The following CD96 variants were observed in gnomAD, a reference collection of about 807,000 sequenced individuals.
The protein encoded by CD96 is CD96 molecule.
A neutral mutation model predicts 71.3 loss-of-function variants in CD96; 70 were observed. The observed-to-expected ratio is 0.98, with a 90% CI of 0.81 to 1.20. The LOEUF is 1.20. CD96 is among the 50% of genes most tolerant of loss of function. CD96 has a pLI of 0.00. For synonymous variants in CD96, 248 were observed against 233.0 expected (o/e 1.06, Z -0.59); for missense variants, 742 against 677.5 (o/e 1.10, Z -1.06).
chr3:111,542,458 G>A (rs1482894742), intron 1 of CD96, 149 bp downstream of exon 1: 3 of 707,376 alleles, frequency 4.2e-6, no homozygotes, highest in East Asian at 2.7e-5. Flanking sequence ...TATTTAAGCG[G>A]CAGGTATAAG....
intron 5 of CD96, among the ~76,000 whole-genome samples, chr3:111,588,562 G>A (rs543406989): frequency 6.6e-5 from 10 of 152,178 alleles, no homozygotes; most frequent in African/African-American, 2.4e-4. Context: ...TTTCAGCAGT[G>A]CCCACTCTTC....
chr3:111,617,232 G>C (rs765588518), intron 8 of CD96, among the ~76,000 whole-genome samples: 6 of 152,222 alleles, frequency 3.9e-5, no homozygotes, highest in Non-Finnish European at 8.8e-5. Flanking sequence ...AGGCTGACTA[G>C]GTTCCTGGAT....
intron 1 of CD96, among the ~76,000 whole-genome samples, chr3:111,544,808 T>C (rs539888902): frequency 6.6e-6 from 1 of 152,188 alleles, no homozygotes; most frequent in Non-Finnish European, 1.5e-5. Context: ...GACCAACACA[T>C]AGATAAATAT....
chr3:111,581,372 C>G (rs149770280), intron 4 of CD96, among the ~76,000 whole-genome samples: 8 of 152,282 alleles, frequency 5.3e-5, no homozygotes, highest in Non-Finnish European at 7.3e-5. Context: ...CTTTACATCC[C>G]TTGGTGATTC....
At position 111,546,846 on chromosome 3, in the gene CD96, T is replaced by C. The variant is rs1412745646; in HGVS notation, c.418+1444T>C. Among the ~76,000 whole-genome samples, 4 of 151,620 alleles carry C rather than the reference T, an allele frequency of 2.6e-5. No individual in the cohort carries two copies. In the East Asian group the frequency reaches 7.8e-4, roughly 29 times the overall value. ...TATAGGCCAAGGTCCCATCAACTACTATCTTATAATGCCCAATTCCCTTGC... is the reference window on the plus strand; with the variant it reads ...TATAGGCCAAGGTCCCATCAACTACCATCTTATAATGCCCAATTCCCTTGC... On this transcript the variant is annotated intron_variant, in intron 2 of 13. Transcript: ENST00000352690.
Position 111,647,669 on chromosome 3 carries a change from G to T in CD96, c.1601+3G>T, listed in dbSNP as rs2107787940. 1 of 1,591,366 alleles carries T rather than the reference G, an allele frequency of 6.3e-7. No individual in the cohort carries two copies. The highest frequency in any genetic ancestry group is 8.6e-7 in the Non-Finnish European group (1 of 1,159,602). Reference sequence around the variant, plus strand: ...TGGTGTCAGTACCAAAAAGAAATGTGAGTATAATACTAACATATGTAGGAA... The same window carrying T: ...TGGTGTCAGTACCAAAAAGAAATGTTAGTATAATACTAACATATGTAGGAA... On this transcript the variant is annotated splice_donor_region_variant and intron_variant, in intron 13 of 13. Coordinates refer to ENST00000352690, the MANE Select transcript of CD96 (RefSeq NM_005816.5).
chr3:111,546,639 G>A (rs1481836185), intron 2 of CD96, among the ~76,000 whole-genome samples: 1 of 152,056 alleles, frequency 6.6e-6, no homozygotes, highest in Non-Finnish European at 1.5e-5. Flanking sequence ...TGCACTGGCA[G>A]TGGACTGGTT....
chr3:111,554,018 GT>G (rs1934859417), intron 2 of CD96, among the ~76,000 whole-genome samples: 1 of 151,820 alleles, frequency 6.6e-6, no homozygotes, highest in African/African-American at 2.4e-5. Context: ...CTGATTTTAA[GT>G]TTTGGTCAAG....
At chr3:111,637,961 G>C in intron 11 of CD96, 118 bp from the exon 12 acceptor site, 4 of 752,282 alleles carry the variant, frequency 5.3e-6, no homozygotes, top group Non-Finnish European at 9.8e-6. Flanking sequence ...TAATATTTAA[G>C]GGATACTTAG....
intron 11 of CD96, 105 bp downstream of exon 11, chr3:111,637,366 T>C (rs1939379577): frequency 4.0e-6 from 3 of 748,538 alleles, no homozygotes; most frequent in Admixed American, 1.9e-5. Flanking sequence ...CAGATAGATA[T>C]ATAAAAGTAC....
intron 4 of CD96, among the ~76,000 whole-genome samples, chr3:111,580,053 A>G (rs998856972): frequency 2.6e-5 from 4 of 152,214 alleles, no homozygotes; most frequent in African/African-American, 4.8e-5. Flanking sequence ...TCAGTGAGAA[A>G]AGGAAGGTGA....
At chr3:111,583,368 T>A (rs1018573415) in intron 4 of CD96, among the ~76,000 whole-genome samples, 1 of 152,202 alleles carries the variant, frequency 6.6e-6, no homozygotes, top group Non-Finnish European at 1.5e-5. Flanking sequence ...TGCAGCTTTT[T>A]CAGGAGCACA....
intron 10 of CD96, among the ~76,000 whole-genome samples, chr3:111,627,619 C>A (rs2107723788): frequency 6.6e-6 from 1 of 152,350 alleles, no homozygotes; most frequent in East Asian, 1.9e-4. Context: ...CTGAAGAGAT[C>A]TCCAACATAG....
At chr3:111,547,871 T>A (rs1289256507) in intron 2 of CD96, among the ~76,000 whole-genome samples, 3 of 152,100 alleles carry the variant, frequency 2.0e-5, no homozygotes, top group African/African-American at 7.2e-5. Flanking sequence ...GGGGGAAACA[T>A]CCTTCACCAC....
chr3:111,637,950 A>G (rs1939414489), intron 11 of CD96, 129 bp from the exon 12 acceptor site: 1 of 726,550 alleles, frequency 1.4e-6, no homozygotes, highest in Non-Finnish European at 2.5e-6. Flanking sequence ...AACTTTACAC[A>G]TAATATTTAA....
intron 1 of CD96, 104 bp downstream of exon 1, chr3:111,542,413 C>CACTGCTGAAATTGATCACA (rs1934147189): frequency 3.7e-6 from 3 of 821,832 alleles, no homozygotes; most frequent in African/African-American, 1.7e-5. Context: ...AATTGATCAC[C>CACTGCTGAAATTGATCACA]AAAGGACAAA....
Position 111,619,594 on chromosome 3 carries a change from T to G in CD96, c.1181-4160T>G, listed in dbSNP as rs111454102. Among the ~76,000 whole-genome samples, 92 of 152,358 alleles carry G rather than the reference T, an allele frequency of 6.0e-4. 3 individuals are homozygous for G. Among genetic ancestry groups the G allele is most frequent in the African/African-American group, 2.1e-3 (89 of 41,580 alleles). ...TATCTCATGATTTAGAACACACTAT[T>G]GAATATTGAAGAGATTTTGCTATGT... On this transcript the variant is annotated intron_variant, in intron 8 of 13. Transcript: ENST00000352690.
chr3:111,556,851 T>C (rs548699435), intron 2 of CD96, among the ~76,000 whole-genome samples: 76 of 150,896 alleles, frequency 5.0e-4, no homozygotes, highest in African/African-American at 1.7e-3. Flanking sequence ...TTTCTCCACA[T>C]CCTCTCCAGC....
intron 5 of CD96, chr3:111,594,085 C>T: frequency 6.2e-7 from 1 of 1,614,156 alleles, no homozygotes; most frequent in South Asian, 1.1e-5. Flanking sequence ...GCATAGCACT[C>T]ACAAAAGGGC....
Sources: gnomAD v4.1 joint callset for allele counts (sites outside exome capture counted in the v4.1 genomes callset) on GRCh38, gnomAD v4.1.1 for gene constraint, MANE v1.5 for transcripts, NCBI Gene and HGNC (gene_info 2026-07-23, HGNC 2026-07-21) for gene names.